The following UVRAG variants were observed in gnomAD, a reference collection of about 807,000 sequenced individuals.
UVRAG encodes UV radiation resistance associated, also known as UV radiation resistance-associated gene protein.
In UVRAG, 19 loss-of-function variants were observed where a neutral mutation model predicts 78.0. The observed-to-expected ratio is 0.24, with a 90% CI of 0.17 to 0.36. The LOEUF is 0.36. Among genes scored for constraint, UVRAG ranks in the 10% least tolerant of loss-of-function variants. The pLI is 1.00. For synonymous variants in UVRAG, 323 were observed against 324.6 expected (o/e 1.00, Z 0.05); for missense variants, 740 against 853.8 (o/e 0.87, Z 1.66).
chr11:76,120,051 T>C (rs1160011130), intron 14 of UVRAG, among the ~76,000 whole-genome samples: 1 of 152,214 alleles, frequency 6.6e-6, no homozygotes, highest in Non-Finnish European at 1.5e-5. Flanking sequence ...TAGAATGTGC[T>C]CTGTCTCTTC....
rs61892959 is a variant in UVRAG, at chr11:75,972,441, T to C, written c.699+10892T>C. 5.6e-3 allele frequency among the ~76,000 whole-genome samples: 859 copies of C among 152,282 alleles called. 3 individuals are homozygous for C. Among genetic ancestry groups the C allele is most frequent in the Non-Finnish European group, 9.2e-3 (626 of 68,014 alleles). Reference sequence around the variant, plus strand: ...ATTGATTAGTCCCTCTCGCACTCACTCTGTTTCTTCCTTCTTTCCTTTCTT... The same window carrying C: ...ATTGATTAGTCCCTCTCGCACTCACCCTGTTTCTTCCTTCTTTCCTTTCTT... On this transcript the variant is annotated intron_variant, in intron 7 of 14. Transcript: ENST00000356136.
intron 2 of UVRAG, among the ~76,000 whole-genome samples, chr11:75,854,806 G>C (rs569547268): frequency 1.3e-5 from 2 of 152,126 alleles, no homozygotes; most frequent in Non-Finnish European, 2.9e-5. Context: ...GCTACTATTT[G>C]GTTTAAGGGT....
chr11:75,900,319 C>G (rs554340514), intron 5 of UVRAG, among the ~76,000 whole-genome samples: 1 of 152,304 alleles, frequency 6.6e-6, no homozygotes, highest in South Asian at 2.1e-4. Flanking sequence ...CTCCTCACCC[C>G]ATCCTGTAAG....
At chr11:75,989,527 A>G (rs1949565891) in intron 8 of UVRAG, among the ~76,000 whole-genome samples, 1 of 152,194 alleles carries the variant, frequency 6.6e-6, no homozygotes, top group Non-Finnish European at 1.5e-5. Context: ...ATAATTTTGT[A>G]TGACTTTCTA....
chr11:76,036,498 A>G (rs1424562425), intron 12 of UVRAG, among the ~76,000 whole-genome samples: 1 of 152,170 alleles, frequency 6.6e-6, no homozygotes, highest in East Asian at 1.9e-4. Flanking sequence ...TGATCCTGCC[A>G]CTACCCGACT....
intron 6 of UVRAG, chr11:75,914,086 T>C (rs2135037723): frequency 6.6e-6 from 1 of 152,330 alleles, no homozygotes; most frequent in Non-Finnish European, 1.5e-5. Context: ...CCCAGGGAGT[T>C]GTTCTGGAAT....
chr11:75,951,982 T>A lies in UVRAG; in HGVS notation c.594-9462T>A, dbSNP rs1948711973. On this transcript the variant is annotated intron_variant, in intron 6 of 14. Coordinates refer to ENST00000356136, the MANE Select transcript of UVRAG (RefSeq NM_003369.4). ...GTATCTTCCAATCCATGAAATGATA[T>A]ATGTCTCCATTTATTTAAATATTCT... Among the ~76,000 whole-genome samples, 6 of 152,370 alleles carry A rather than the reference T, an allele frequency of 3.9e-5. No individual in the cohort carries two copies. In the South Asian group the frequency reaches 1.2e-3, roughly 32 times the overall value.
At chr11:76,039,883 T>TA (rs1950610123) in intron 12 of UVRAG, among the ~76,000 whole-genome samples, 1 of 151,760 alleles carries the variant, frequency 6.6e-6, no homozygotes, top group South Asian at 2.1e-4. Context: ...CTCAAAATTT[T>TA]AAAAAATAAA....
intron 12 of UVRAG, among the ~76,000 whole-genome samples, chr11:76,027,483 G>A (rs1950349660): frequency 6.6e-6 from 1 of 151,956 alleles, no homozygotes; most frequent in South Asian, 2.1e-4. Context: ...CAAAATTTTT[G>A]TTTTTTATTT....
At chr11:75,948,039 A>G (rs1047560023) in intron 6 of UVRAG, among the ~76,000 whole-genome samples, 1 of 152,206 alleles carries the variant, frequency 6.6e-6, no homozygotes, top group Non-Finnish European at 1.5e-5. Flanking sequence ...GGCTAAAACA[A>G]CAGAGTTTAA....
chr11:76,083,866 CAGG>C, intron 13 of UVRAG, among the ~76,000 whole-genome samples: 1 of 152,268 alleles, frequency 6.6e-6, no homozygotes. Context: ...TCATGTTATT[CAGG>C]AGATCAAAAG....
At chr11:75,902,981 C>A (rs55996116) in intron 5 of UVRAG, among the ~76,000 whole-genome samples, 4,534 of 152,270 alleles carry the variant, frequency 0.03, 246 homozygotes, top group African/African-American at 0.1. Context: ...ATGTGTCCAA[C>A]TCTCTGGTCT....
chr11:75,924,994 T>G (rs1948065601), intron 6 of UVRAG, among the ~76,000 whole-genome samples: 1 of 152,188 alleles, frequency 6.6e-6, no homozygotes. Context: ...AAGCATTCTT[T>G]GAGGGCAGTT....
chr11:75,948,983 C>T (rs1351010154), intron 6 of UVRAG, among the ~76,000 whole-genome samples: 3 of 152,004 alleles, frequency 2.0e-5, no homozygotes, highest in East Asian at 1.9e-4. Context: ...AATTAGTAAC[C>T]GAGCAAATGA....
At chr11:76,118,565 A>T (rs1952225089) in intron 14 of UVRAG, among the ~76,000 whole-genome samples, 1 of 152,158 alleles carries the variant, frequency 6.6e-6, no homozygotes, top group Admixed American at 6.5e-5. Flanking sequence ...GGTTACTAAG[A>T]GTTGTTTTTT....
chr11:75,967,468 G>A (rs1420636611), intron 7 of UVRAG, among the ~76,000 whole-genome samples: 1 of 152,160 alleles, frequency 6.6e-6, no homozygotes, highest in Non-Finnish European at 1.5e-5. Flanking sequence ...TTTTGGGACA[G>A]CTGCCACAAT....
Position 76,140,142 on chromosome 11 carries a change from T to TCTCTCTCC in UVRAG, c.1398-565_1398-558dup, listed in dbSNP as rs1565177429. 1.4e-4 allele frequency among the ~76,000 whole-genome samples: 14 copies of TCTCTCTCC among 97,458 alleles called. No homozygotes were observed. In the East Asian group the frequency reaches 5.2e-3, roughly 36 times the overall value. The allele number at this position is 97,458 out of a possible 152,430, so 63.9% of individuals were successfully genotyped here. A position where few individuals can be genotyped will look rare whatever the true frequency, so the allele number is the denominator to read the frequency against. ...CTCTCTCTCTCTCTCTCTCTCTCTC[T>TCTCTCTCC]CTCTCTCCCTCCCTCCTCTGCCAGT... is the stretch of plus-strand genomic sequence containing the variant. On this transcript the variant is annotated intron_variant, in intron 14 of 14. Transcript: ENST00000356136.
chr11:76,060,134 C>G (rs1443875316), intron 12 of UVRAG, among the ~76,000 whole-genome samples: 1 of 151,898 alleles, frequency 6.6e-6, no homozygotes, highest in African/African-American at 2.4e-5. Flanking sequence ...AGTTTCTTTT[C>G]ACAGTTTTTT....
chr11:76,020,802 G>A (rs1374684086), intron 12 of UVRAG, among the ~76,000 whole-genome samples: 1 of 152,084 alleles, frequency 6.6e-6, no homozygotes, highest in Admixed American at 6.5e-5. Flanking sequence ...AGGAATTGCA[G>A]TCTTCACAGC....
Sources: gnomAD v4.1 joint callset for allele counts (sites outside exome capture counted in the v4.1 genomes callset) on GRCh38, gnomAD v4.1.1 for gene constraint, MANE v1.5 for transcripts, NCBI Gene and HGNC (gene_info 2026-07-23, HGNC 2026-07-21) for gene names.